FAR1: variants seen among roughly 807,000 people sequenced by gnomAD.
FAR1 encodes male sterility domain-containing protein 2.
In FAR1, 22 loss-of-function variants were observed where a neutral mutation model predicts 61.1. That is an observed-to-expected ratio of 0.36 (90% CI 0.26 to 0.51). FAR1 has a LOEUF of 0.51. Ranked by LOEUF, FAR1 falls within the 20% of genes least tolerant of loss-of-function variation. The pLI is 0.95. For synonymous variants in FAR1, 206 were observed against 209.7 expected, an observed-to-expected ratio of 0.98 and a Z score of 0.15; for missense variants, 359 against 626.9, an observed-to-expected ratio of 0.57 and a Z score of 4.56.
intron 1 of FAR1, among the ~76,000 whole-genome samples, chr11:13,674,505 G>T (rs1848044552): frequency 6.6e-6 from 1 of 152,038 alleles, no homozygotes; most frequent in African/African-American, 2.4e-5. Context: ...TGAATAGGTT[G>T]TATGCCTTCT....
intron 1 of FAR1, among the ~76,000 whole-genome samples, chr11:13,679,268 T>G (rs1047644101): frequency 2.0e-5 from 3 of 152,164 alleles, no homozygotes; most frequent in African/African-American, 7.2e-5. Flanking sequence ...CATGTCTTAA[T>G]ATGAAAACAT....
At chr11:13,708,992 G>A (rs1848469622) in intron 4 of FAR1, among the ~76,000 whole-genome samples, 2 of 152,262 alleles carry the variant, frequency 1.3e-5, no homozygotes, top group Non-Finnish European at 1.5e-5. Flanking sequence ...AACAGACAAG[G>A]TTCAGACAAG....
At chr11:13,715,502 T>G (rs1366829997) in intron 9 of FAR1, among the ~76,000 whole-genome samples, 2 of 152,166 alleles carry the variant, frequency 1.3e-5, no homozygotes, top group African/African-American at 4.8e-5. Flanking sequence ...TGGTGCAGTT[T>G]TATGTGAAAA....
intron 8 of FAR1, 107 bp downstream of exon 8, chr11:13,713,140 C>A: frequency 1.1e-6 from 1 of 909,746 alleles, no homozygotes; most frequent in Non-Finnish European, 1.8e-6. Flanking sequence ...CACTGAGTTA[C>A]CAATTTGTTC....
intron 11 of FAR1, 151 bp from the exon 12 acceptor site, chr11:13,728,461 G>A (rs994052553): frequency 6.0e-6 from 4 of 664,464 alleles, no homozygotes; most frequent in African/African-American, 5.4e-5. Flanking sequence ...GTACATATCT[G>A]TTTTACCTAC....
intron 4 of FAR1, among the ~76,000 whole-genome samples, chr11:13,708,475 AC>A: frequency 8.1e-6 from 1 of 123,614 alleles, no homozygotes. Flanking sequence ...ACACACACAC[AC>A]ATACATTTAT....
At chr11:13,708,447 G>GCGCC in intron 4 of FAR1, among the ~76,000 whole-genome samples, 1 of 136,732 alleles carries the variant, frequency 7.3e-6, no homozygotes, top group East Asian at 2.1e-4. Flanking sequence ...GCGCGCGCGC[G>GCGCC]CACACACACA....
chr11:13,684,918 T>C (rs1848169926), intron 1 of FAR1, among the ~76,000 whole-genome samples: 1 of 152,210 alleles, frequency 6.6e-6, no homozygotes, highest in Non-Finnish European at 1.5e-5. Context: ...AATGTATTAT[T>C]AGTCTTAAGC....
intron 11 of FAR1, among the ~76,000 whole-genome samples, chr11:13,727,908 C>T (rs1259186937): frequency 1.3e-5 from 2 of 151,842 alleles, no homozygotes; most frequent in Non-Finnish European, 1.5e-5. Context: ...TGCGACTTTG[C>T]AGGGCAGCCA....
chr11:13,707,096 A>G (rs1463029690), intron 3 of FAR1, among the ~76,000 whole-genome samples: 1 of 152,212 alleles, frequency 6.6e-6, no homozygotes, highest in Non-Finnish European at 1.5e-5. Flanking sequence ...TAGTAGCTAT[A>G]TTCTTTCATT....
intron 3 of FAR1, among the ~76,000 whole-genome samples, chr11:13,701,319 A>G (rs1848371396): frequency 6.6e-6 from 1 of 152,130 alleles, no homozygotes; most frequent in Non-Finnish European, 1.5e-5. Context: ...GTTTAAGATG[A>G]TAGATGTGCC....
At chr11:13,692,384 T>A (rs1194227973) in intron 1 of FAR1, among the ~76,000 whole-genome samples, 1 of 152,222 alleles carries the variant, frequency 6.6e-6, no homozygotes. Context: ...GTTTTCAGTT[T>A]TTTGGTATGT....
In FAR1 at chr11:13,714,686, G is replaced by A. The variant is rs200215963; in HGVS notation, c.1127+6G>A. The A allele has an allele frequency of 1.0e-4, 161 of 1,605,440 alleles. No individual in the cohort carries two copies. Among genetic ancestry groups the A allele is most frequent in the Non-Finnish European group, 1.3e-4 (154 of 1,176,304 alleles). The stretch of plus-strand genomic sequence containing the variant: ...ATGACTGGAAGAAGCCCAAGGTAAT[G>A]GTGACTAGCTCTGTCTTATCTGTTC... On this transcript the variant is annotated splice_donor_region_variant and intron_variant, in intron 9 of 11. Transcript: ENST00000354817.
intron 4 of FAR1, among the ~76,000 whole-genome samples, chr11:13,708,444 C>CGA (rs1555063883): frequency 2.1e-5 from 2 of 93,888 alleles, no homozygotes; most frequent in Non-Finnish European, 4.8e-5. Flanking sequence ...TGCGCGCGCG[C>CGA]GCGCACACAC....
chr11:13,682,111 TCC>T (rs1314560007), intron 1 of FAR1, among the ~76,000 whole-genome samples: 1 of 152,204 alleles, frequency 6.6e-6, no homozygotes, highest in Non-Finnish European at 1.5e-5. Flanking sequence ...GGTCATGTCA[TCC>T]TTTTGCATTC....
intron 9 of FAR1, among the ~76,000 whole-genome samples, chr11:13,715,124 T>C (rs12271171): frequency 0.032 from 4,898 of 152,238 alleles, 114 homozygotes; most frequent in Non-Finnish European, 0.047. Flanking sequence ...ATTGCACTCA[T>C]GTTGACAGGT....
Position 13,676,329 on chromosome 11 carries a change from C to T in FAR1, c.-8+7523C>T, listed in dbSNP as rs1439173658. Among the ~76,000 whole-genome samples, 4 of 152,036 alleles carry T rather than the reference C, an allele frequency of 2.6e-5. No homozygotes were observed. The East Asian group carries it at 5.8e-4, about 22-fold the overall frequency. ...ACTTTATTTATGGCTCCTGTCCATC[C>T]TGGATTAACAGGAAGTAGAATATAT... On this transcript the variant is annotated intron_variant, in intron 1 of 11. Coordinates refer to ENST00000354817, the MANE Select transcript of FAR1 (RefSeq NM_032228.6).
intron 1 of FAR1, 115 bp from the exon 2 acceptor site, chr11:13,694,644 C>A: frequency 1.2e-6 from 1 of 851,726 alleles, no homozygotes; most frequent in Non-Finnish European, 1.8e-6. Context: ...TGTTAATGTT[C>A]TATTTTGACT....
intron 10 of FAR1, among the ~76,000 whole-genome samples, chr11:13,724,767 C>T (rs1309767133): frequency 2.0e-5 from 3 of 152,018 alleles, no homozygotes; most frequent in Non-Finnish European, 2.9e-5. Flanking sequence ...TCATACTGAG[C>T]CTTCAAAACC....
Sources: gnomAD v4.1 joint callset for allele counts (sites outside exome capture counted in the v4.1 genomes callset) on GRCh38, gnomAD v4.1.1 for gene constraint, MANE v1.5 for transcripts, NCBI Gene and HGNC (gene_info 2026-07-23, HGNC 2026-07-21) for gene names.